Variants in IQCM observed in about 807,000 individuals in gnomAD.
IQCM encodes IQ domain-containing protein M.
IQCM carries 45 observed loss-of-function variants against 57.6 expected under a neutral mutation model. That is an observed-to-expected ratio of 0.78 (90% CI 0.62 to 1.00). The LOEUF (loss-of-function observed/expected upper bound fraction) is 1.00. IQCM is among the 50% of genes least tolerant of loss of function. The probability of loss-of-function intolerance (pLI) is 0.00; values close to 1 mark genes in which losing one functional copy is unlikely to be tolerated. For synonymous variants in IQCM, 148 were observed against 158.9 expected (o/e 0.93, Z 0.51); for missense variants, 468 against 511.6 (o/e 0.91, Z 0.82).
chr4:149,435,786 GA>G (rs1735305108), intron 12 of IQCM, among the ~76,000 whole-genome samples: 1 of 150,382 alleles, frequency 6.6e-6, no homozygotes, highest in African/African-American at 2.5e-5. Flanking sequence ...TTTGTAATAA[GA>G]AGCTAAAAAA....
chr4:149,429,894 AC>A (rs1410367561), intron 13 of IQCM: 2 of 834,706 alleles, frequency 2.4e-6, no homozygotes, highest in Admixed American at 4.3e-5. Context: ...AGCTTGGAAG[AC>A]AGAGTTTGAA....
chr4:149,628,742 G>C (rs538463127), intron 7 of IQCM, among the ~76,000 whole-genome samples: 8 of 151,994 alleles, frequency 5.3e-5, no homozygotes, highest in African/African-American at 1.9e-4. Context: ...AAGTATATTC[G>C]GCAAAATTAC....
At chr4:149,549,229 T>C (rs1229812714) in intron 11 of IQCM, among the ~76,000 whole-genome samples, 1 of 152,092 alleles carries the variant, frequency 6.6e-6, no homozygotes, top group Non-Finnish European at 1.5e-5. Flanking sequence ...AGCAAGAAAA[T>C]TGATGGCCGG....
At chr4:149,554,159 T>C (rs748010629) in intron 10 of IQCM, among the ~76,000 whole-genome samples, 8 of 152,226 alleles carry the variant, frequency 5.3e-5, no homozygotes, top group Non-Finnish European at 1.0e-4. Flanking sequence ...TTCGCTGAGT[T>C]GGCTTTCCTT....
At chr4:149,395,835 T>C (rs1021331459) in intron 13 of IQCM, among the ~76,000 whole-genome samples, 4 of 152,002 alleles carry the variant, frequency 2.6e-5, no homozygotes, top group Non-Finnish European at 5.9e-5. Context: ...ATAAAAATCC[T>C]TGTAACCCTG....
chr4:149,745,921 G>A (rs530959108), intron 2 of IQCM, among the ~76,000 whole-genome samples: 16 of 152,036 alleles, frequency 1.1e-4, no homozygotes, highest in South Asian at 4.2e-4. Context: ...GCAGTGAGCC[G>A]TGATCGTGCC....
At chr4:149,354,281 G>A (rs988984491) in intron 13 of IQCM, among the ~76,000 whole-genome samples, 8 of 141,064 alleles carry the variant, frequency 5.7e-5, no homozygotes, top group African/African-American at 1.6e-4. Flanking sequence ...GGAGAATGGC[G>A]TGAACCCGGG....
chr4:149,441,131 T>C (rs192827050), intron 12 of IQCM, among the ~76,000 whole-genome samples: 17 of 152,278 alleles, frequency 1.1e-4, no homozygotes, highest in East Asian at 5.8e-4. Context: ...AAAATATAAA[T>C]ATAACTGCAT....
At chr4:149,573,810 G>A (rs1396508333) in intron 9 of IQCM, among the ~76,000 whole-genome samples, 1 of 151,630 alleles carries the variant, frequency 6.6e-6, no homozygotes, top group Non-Finnish European at 1.5e-5. Flanking sequence ...TAGTTTTGTT[G>A]GATGATTATT....
intron 13 of IQCM, among the ~76,000 whole-genome samples, chr4:149,424,364 GA>G (rs1734323114): frequency 6.6e-6 from 1 of 151,234 alleles, no homozygotes; most frequent in African/African-American, 2.4e-5. Context: ...TATCAACAAA[GA>G]ACAATATAAA....
rs569252600 is a variant in IQCM at position 149,497,896 on chromosome 4, G to A, written c.1228+50559C>T. 5.9e-5 allele frequency among the ~76,000 whole-genome samples: 9 copies of A among 152,090 alleles called. No homozygotes were observed. In the South Asian group the frequency reaches 8.3e-4, roughly 14 times the overall value. On this transcript the variant is annotated intron_variant, in intron 12 of 13. Coordinates refer to ENST00000636793, the MANE Select transcript of IQCM (RefSeq NM_001363507.2). ...TTACAAGTCTATATGTTATTCCCACGTGATGTTGAGTGGTTTTTGTTCTCC... is the reference window on the plus strand; with the variant it reads ...TTACAAGTCTATATGTTATTCCCACATGATGTTGAGTGGTTTTTGTTCTCC...
chr4:149,787,055 A>G (rs192949143), intron 2 of IQCM, among the ~76,000 whole-genome samples: 35 of 152,316 alleles, frequency 2.3e-4, no homozygotes, highest in African/African-American at 7.7e-4. Flanking sequence ...GGAAGCCATC[A>G]TCCTCAGCAA....
chr4:149,746,385 C>T (rs1767938399), intron 2 of IQCM, among the ~76,000 whole-genome samples: 1 of 152,186 alleles, frequency 6.6e-6, no homozygotes, highest in African/African-American at 2.4e-5. Flanking sequence ...CTTAATCTCC[C>T]AGCCACAATC....
chr4:149,405,158 C>T (rs1186375558), intron 13 of IQCM, among the ~76,000 whole-genome samples: 1 of 151,978 alleles, frequency 6.6e-6, no homozygotes, highest in Non-Finnish European at 1.5e-5. Context: ...AAGAAGAAAG[C>T]TTCTAAGCAG....
intron 2 of IQCM, among the ~76,000 whole-genome samples, chr4:149,767,213 A>C (rs1770145149): frequency 6.6e-6 from 1 of 151,992 alleles, no homozygotes; most frequent in Non-Finnish European, 1.5e-5. Flanking sequence ...ATCTATCACT[A>C]AAATGGCCAT....
chr4:149,440,843 T>C (rs1436782354), intron 12 of IQCM, among the ~76,000 whole-genome samples: 1 of 152,140 alleles, frequency 6.6e-6, no homozygotes, highest in Non-Finnish European at 1.5e-5. Context: ...CTTATTTAGA[T>C]TTCTCAATCC....
intron 12 of IQCM, among the ~76,000 whole-genome samples, chr4:149,494,926 A>C (rs559488879): frequency 6.6e-6 from 1 of 152,240 alleles, no homozygotes; most frequent in Non-Finnish European, 1.5e-5. Flanking sequence ...ATGGGGCCAA[A>C]GTGAAAACCA....
At chr4:149,547,703 T>C (rs949845417) in intron 12 of IQCM, among the ~76,000 whole-genome samples, 10 of 152,330 alleles carry the variant, frequency 6.6e-5, no homozygotes, top group African/African-American at 2.4e-4. Context: ...GTGATGGATA[T>C]ATTGATTAAT....
chr4:149,565,766 G>T (rs1750565828), intron 9 of IQCM, among the ~76,000 whole-genome samples: 1 of 152,082 alleles, frequency 6.6e-6, no homozygotes. Context: ...AACTGAGGCT[G>T]CTAGTTCTCT....
Sources: allele counts gnomAD v4.1 joint callset (sites outside exome capture counted in the v4.1 genomes callset), GRCh38; gene constraint gnomAD v4.1.1; transcripts MANE v1.5; gene names NCBI Gene and HGNC (gene_info 2026-07-23, HGNC 2026-07-21).